RECK: variants seen among roughly 807,000 people sequenced by gnomAD.
The protein encoded by RECK is reversion-inducing cysteine-rich protein with Kazal motifs.
In RECK, 69 loss-of-function variants were observed where a neutral mutation model predicts 115.1. The ratio of observed to expected loss-of-function variants is 0.60; its 90% CI spans 0.49 to 0.73. RECK has a LOEUF of 0.73. Among genes scored for constraint, RECK ranks in the 30% least tolerant of loss-of-function variants. The probability of loss-of-function intolerance (pLI) is 0.00; values close to 1 mark genes in which losing one functional copy is unlikely to be tolerated. For synonymous variants in RECK, 414 were observed against 419.7 expected, an observed-to-expected ratio of 0.99 and a Z score of 0.17; for missense variants, 1,047 against 1,203.7, an observed-to-expected ratio of 0.87 and a Z score of 1.93.
rs553617279 is a variant in RECK, at chr9:36,056,157, A to C, written c.160-2670A>C. ...TCCTTTTACTTTCCCCACTATACTG[A>C]GGCAAATTTATGTAGCAGCAAAATC... On this transcript the variant is annotated intron_variant, in intron 2 of 20. Transcript: ENST00000377966. Among the ~76,000 whole-genome samples, 3 of 152,178 alleles carry C rather than the reference A, an allele frequency of 2.0e-5. No homozygotes were observed. The South Asian group carries it at 6.2e-4, about 32-fold the overall frequency.
At chr9:36,043,125 C>T (rs1588261618) in intron 1 of RECK, among the ~76,000 whole-genome samples, 1 of 142,328 alleles carries the variant, frequency 7.0e-6, no homozygotes, top group South Asian at 2.4e-4. Flanking sequence ...CCCGGGTTCA[C>T]GCCATTCTCC....
chr9:36,090,510 TAAATA>T (rs1458480472), intron 9 of RECK, among the ~76,000 whole-genome samples: 2 of 152,192 alleles, frequency 1.3e-5, no homozygotes, highest in Non-Finnish European at 2.9e-5. Context: ...ATGTATTTTA[TAAATA>T]AAATGAATAT....
chr9:36,071,718 A>ACTAACTTT (rs1822237206), intron 6 of RECK, among the ~76,000 whole-genome samples: 1 of 152,182 alleles, frequency 6.6e-6, no homozygotes, highest in Non-Finnish European at 1.5e-5. Context: ...TTTTGTGAGG[A>ACTAACTTT]CTAACTTTTT....
intron 1 of RECK, among the ~76,000 whole-genome samples, chr9:36,045,194 G>C (rs951049759): frequency 6.6e-6 from 1 of 152,092 alleles, no homozygotes; most frequent in South Asian, 2.1e-4. Flanking sequence ...ACTATTTGGC[G>C]CTTCCTTGGC....
chr9:36,104,290 G>GTA (rs1823678634), intron 12 of RECK, among the ~76,000 whole-genome samples: 4 of 16,828 alleles, frequency 2.4e-4, no homozygotes, highest in African/African-American at 1.1e-3. Flanking sequence ...GTGTGTGTGT[G>GTA]TGTATATATA....
intron 2 of RECK, among the ~76,000 whole-genome samples, chr9:36,054,529 G>A (rs1249869151): frequency 6.8e-6 from 1 of 147,150 alleles, no homozygotes; most frequent in African/African-American, 2.5e-5. Context: ...GCCAATTAGT[G>A]GAGATTTTAA....
chr9:36,066,088 A>G (rs546092906), intron 6 of RECK, among the ~76,000 whole-genome samples: 2 of 152,236 alleles, frequency 1.3e-5, no homozygotes, highest in African/African-American at 2.4e-5. Flanking sequence ...CATTTGGGGG[A>G]AAAAATACTA....
At chr9:36,118,688 T>C in intron 17 of RECK, 69 bp from the exon 18 acceptor site, 1 of 1,423,660 alleles carries the variant, frequency 7.0e-7, no homozygotes, top group Non-Finnish European at 9.8e-7. Flanking sequence ...GGAGGCATGC[T>C]GTGTACTCTT....
chr9:36,079,870 A>G (rs1442265449), intron 6 of RECK, among the ~76,000 whole-genome samples: 1 of 152,054 alleles, frequency 6.6e-6, no homozygotes. Flanking sequence ...TTTTCTTTAC[A>G]TTGACTTTAA....
intron 10 of RECK, among the ~76,000 whole-genome samples, chr9:36,092,378 T>TA (rs1032895975): frequency 5.9e-5 from 9 of 151,858 alleles, no homozygotes; most frequent in Non-Finnish European, 1.0e-4. Flanking sequence ...ATCTTTTTTT[T>TA]TTATTATTTT....
chr9:36,055,049 C>G (rs926277878), intron 2 of RECK, among the ~76,000 whole-genome samples: 1 of 152,140 alleles, frequency 6.6e-6, no homozygotes, highest in Non-Finnish European at 1.5e-5. Context: ...TCTCAGAATT[C>G]AAGACTGTAA....
rs1229304067 is a variant in RECK, at chr9:36,112,413, T to G, written c.1997T>G (p.Phe666Cys). The change falls in exon 16 of 21, where the codon TTT becomes TGT. Residue 666 changes from phenylalanine (F) to cysteine (C), a missense_variant. By Grantham distance (205) the Phe-to-Cys change is radical. Coordinates refer to ENST00000377966, the MANE Select transcript of RECK (RefSeq NM_021111.3). ...TGTGTGGGCCTCCAAGACCATCAGT[T>G]TGAGTTTGGATCATGCATGTCAAAG... Reference protein sequence around the residue: ...ARCVGLQDHQFEFGSCMSKDP... With the variant: ...ARCVGLQDHQCEFGSCMSKDP... The G allele has an allele frequency of 3.7e-6, 6 of 1,613,976 alleles. No homozygotes were observed. Among genetic ancestry groups the G allele is most frequent in the African/African-American group, 2.7e-5 (2 of 74,924 alleles).
chr9:36,091,000 C>A (rs1005036307), intron 9 of RECK, among the ~76,000 whole-genome samples, 164 bp from the exon 10 acceptor site: 1 of 152,160 alleles, frequency 6.6e-6, no homozygotes, highest in Non-Finnish European at 1.5e-5. Context: ...GGAAAACAAT[C>A]AACTTTTTCT....
rs56680169 is a variant in RECK at position 36,122,958 on chromosome 9, C to A, written c.2829C>A (p.Ala943=). 1 of 1,614,134 alleles carries A rather than the reference C, an allele frequency of 6.2e-7. No individual in the cohort carries two copies. Among genetic ancestry groups the A allele is most frequent in the South Asian group, 1.1e-5 (1 of 91,084 alleles). The change falls in exon 21 of 21, where the codon GCC becomes GCA. Residue 943 remains alanine, a synonymous_variant. Coordinates refer to ENST00000377966, the MANE Select transcript of RECK (RefSeq NM_021111.3). ...QVQVSSSVPS[A]GVRARPSCHS... is the part of the protein sequence containing the mutation. ...AGGTCTCCAGCAGTGTGCCATCGGCCGGTGTCAGGGCCAGGCCTTCTTGCC... is the reference window on the plus strand; with the variant it reads ...AGGTCTCCAGCAGTGTGCCATCGGCAGGTGTCAGGGCCAGGCCTTCTTGCC...
chr9:36,061,010 A>G (rs1317798391), intron 4 of RECK, among the ~76,000 whole-genome samples: 1 of 152,116 alleles, frequency 6.6e-6, no homozygotes, highest in Non-Finnish European at 1.5e-5. Flanking sequence ...TGTCCTGTCT[A>G]TTTCTAGTTC....
At chr9:36,114,350 C>T (rs1348252397) in intron 16 of RECK, among the ~76,000 whole-genome samples, 1 of 152,206 alleles carries the variant, frequency 6.6e-6, no homozygotes, top group Non-Finnish European at 1.5e-5. Flanking sequence ...TAAATTAAAA[C>T]TACAATTGTG....
intron 12 of RECK, among the ~76,000 whole-genome samples, chr9:36,104,312 ATATATATATATATATTTTTTTTTTTTTTT>A (rs1564130818): frequency 0.061 from 4,049 of 66,014 alleles, 205 homozygotes; most frequent in South Asian, 0.17. Context: ...ATATATATAT[ATATATATATATATATTTTTTTTTTTTTTT>A]TTTTTTTTTT....
intron 1 of RECK, among the ~76,000 whole-genome samples, chr9:36,047,105 C>G (rs765149473): frequency 6.6e-6 from 1 of 152,150 alleles, no homozygotes. Flanking sequence ...CCTTTGCTTA[C>G]GACCAGCAGG....
rs1823258055 is a variant in RECK at position 36,094,230 on chromosome 9, A to G, written c.1085+2887A>G. Among the ~76,000 whole-genome samples the G allele has an allele frequency of 6.6e-6, 1 of 151,276 alleles. No homozygotes were observed. Among genetic ancestry groups the G allele is most frequent in the African/African-American group, 2.4e-5 (1 of 41,180 alleles). On this transcript the variant is annotated intron_variant, in intron 10 of 20. Coordinates refer to ENST00000377966, the MANE Select transcript of RECK (RefSeq NM_021111.3). This position sits in a 1 kb window ranked among gnomAD's most constrained non-coding sequence, Gnocchi z 4.1. ...TTTTTTCTTTTGTATTTTATTTTTC[A>G]AAAGTAATTGGTTAAAGCAAAAATA...
Sources: gnomAD v4.1 joint callset for allele counts (sites outside exome capture counted in the v4.1 genomes callset) on GRCh38, gnomAD v4.1.1 for gene constraint, Gnocchi (gnomAD v3.1) non-coding constraint, MANE v1.5 for transcripts, NCBI Gene and HGNC (gene_info 2026-07-23, HGNC 2026-07-21) for gene names.